The following RHBDD1 variants were observed in gnomAD, a reference collection of about 807,000 sequenced individuals.
RHBDD1 encodes the protein rhomboid domain containing 1.
In RHBDD1, 38 loss-of-function variants were observed where a neutral mutation model predicts 36.3. The ratio of observed to expected loss-of-function variants is 1.05; its 90% CI spans 0.81 to 1.37. RHBDD1 has a LOEUF of 1.37. Among genes scored for constraint, RHBDD1 ranks in the 40% most tolerant of loss-of-function variants. RHBDD1 has a pLI of 0.00. For missense variants in RHBDD1, 393 were observed against 377.6 expected (o/e 1.04, Z -0.34); for synonymous variants, 151 against 136.5 (o/e 1.11, Z -0.74).
chr2:226,837,568 T>C (rs1941112471), intron 1 of RHBDD1: 1 of 152,268 alleles, frequency 6.6e-6, no homozygotes, highest in Non-Finnish European at 1.5e-5. Flanking sequence ...AGACAGTCTC[T>C]TTCTGCCACC....
At chr2:226,971,489 T>C (rs1953489762) in intron 8 of RHBDD1, among the ~76,000 whole-genome samples, 1 of 152,232 alleles carries the variant, frequency 6.6e-6, no homozygotes, top group Non-Finnish European at 1.5e-5. Context: ...TCTTCTCTGT[T>C]ACAGCTAAGG....
chr2:226,867,549 T>C, intron 5 of RHBDD1: 1 of 982,660 alleles, frequency 1.0e-6, no homozygotes, highest in Middle Eastern at 5.2e-4. Context: ...TGCAGATTCC[T>C]CATTTTTTTT....
chr2:226,859,361 A>G lies in RHBDD1; in HGVS notation c.-90-5243A>G, dbSNP rs146973424. On this transcript the variant is annotated intron_variant, in intron 3 of 8. Coordinates refer to ENST00000392062, the MANE Select transcript of RHBDD1 (RefSeq NM_001167608.3). ...AAACAACTATTTGCATAGCATTTAC[A>G]TTGTATTAGATATTATAAGTTACCT... Among the ~76,000 whole-genome samples, 317 of 152,284 alleles carry G rather than the reference A, an allele frequency of 2.1e-3. 4 individuals are homozygous for G. The highest frequency in any genetic ancestry group is 7.3e-3 in the African/African-American group (304 of 41,548).
intron 8 of RHBDD1, among the ~76,000 whole-genome samples, chr2:226,960,059 GTA>G (rs1952073582): frequency 3.3e-5 from 5 of 152,164 alleles, no homozygotes; most frequent in Non-Finnish European, 7.4e-5. Flanking sequence ...TCCTGACCTT[GTA>G]ATCTGCCCAC....
intron 4 of RHBDD1, among the ~76,000 whole-genome samples, chr2:226,866,308 G>T (rs376341381): frequency 6.6e-6 from 1 of 152,160 alleles, no homozygotes. Flanking sequence ...TTGACCTTGT[G>T]ATTCACCCAC....
Position 226,994,075 on chromosome 2 carries a change from G to T in RHBDD1, c.857-1356G>T, listed in dbSNP as rs77954679. Among the ~76,000 whole-genome samples, 121 of 152,270 alleles carry T rather than the reference G, an allele frequency of 7.9e-4. 2 individuals are homozygous for T. The East Asian group carries it at 0.021, about 27-fold the overall frequency. On this transcript the variant is annotated intron_variant, in intron 8 of 8. Coordinates refer to ENST00000392062, the MANE Select transcript of RHBDD1 (RefSeq NM_001167608.3). ...GCCATGTGTGCTGGCTGCTGCTTTT[G>T]AGAGCTGGACTGCGGGCACCTTCCC... is the stretch of plus-strand genomic sequence containing the variant.
chr2:226,864,229 G>GGGGATAAAGAATCCTGGCC lies in RHBDD1; in HGVS notation c.-90-374_-90-356dup, dbSNP rs1944117158. 2.0e-5 allele frequency among the ~76,000 whole-genome samples: 3 copies of GGGGATAAAGAATCCTGGCC among 152,036 alleles called. No homozygotes were observed. In the South Asian group the frequency reaches 6.2e-4, roughly 32 times the overall value. ...CAAATATTTCTTTGAAAAAAATGGA[G>GGGGATAAAGAATCCTGGCC]GGGATAAAGAATCCTGGCCAGGATT... is the stretch of plus-strand genomic sequence containing the variant. On this transcript the variant is annotated intron_variant, in intron 3 of 8. Coordinates refer to ENST00000392062, the MANE Select transcript of RHBDD1 (RefSeq NM_001167608.3).
At chr2:226,831,499 A>G (rs557679048), upstream of RHBDD1, among the ~76,000 whole-genome samples, 13 of 152,334 alleles carry the variant, frequency 8.5e-5, no homozygotes, top group African/African-American at 3.1e-4. Flanking sequence ...AGATGCAGGC[A>G]GAGACTGAAG....
chr2:226,810,933 A>G, the RHBDD1 span: 1 of 152,064 alleles, frequency 6.6e-6, no homozygotes, highest in African/African-American at 2.4e-5. Flanking sequence ...ATGGCAGAGG[A>G]CTCATCCCAC....
chr2:226,897,148 C>T (rs1406551442), intron 5 of RHBDD1, among the ~76,000 whole-genome samples: 1 of 152,220 alleles, frequency 6.6e-6, no homozygotes, highest in African/African-American at 2.4e-5. Context: ...CAAGCTGCTA[C>T]ATATGTGCTT....
chr2:226,915,912 G>A (rs1209439679), intron 8 of RHBDD1, among the ~76,000 whole-genome samples: 2 of 152,174 alleles, frequency 1.3e-5, no homozygotes, highest in Non-Finnish European at 2.9e-5. Context: ...CAGCTGGGCT[G>A]GGCTTAGCTG....
chr2:226,970,924 A>C (rs533070804), intron 8 of RHBDD1, among the ~76,000 whole-genome samples: 1 of 152,304 alleles, frequency 6.6e-6, no homozygotes, highest in Admixed American at 6.5e-5. Context: ...GCCCCACATC[A>C]TTTCAAGTGT....
chr2:226,941,802 C>G (rs958195351), intron 8 of RHBDD1, among the ~76,000 whole-genome samples: 1 of 152,184 alleles, frequency 6.6e-6, no homozygotes, highest in Non-Finnish European at 1.5e-5. Flanking sequence ...ATAACACAGG[C>G]ACCTAGAGGA....
intron 5 of RHBDD1, among the ~76,000 whole-genome samples, chr2:226,900,326 T>C (rs939649393): frequency 6.6e-6 from 1 of 152,210 alleles, no homozygotes; most frequent in Admixed American, 6.5e-5. Flanking sequence ...TTGGTTACCT[T>C]GCAGAATCAC....
chr2:226,923,449 C>A (rs1559276689), intron 8 of RHBDD1, among the ~76,000 whole-genome samples: 2 of 152,000 alleles, frequency 1.3e-5, no homozygotes, highest in Non-Finnish European at 2.9e-5. Flanking sequence ...AGTATCCTTT[C>A]TTTTTCCTTG....
At chr2:226,811,114 C>G in the RHBDD1 span, 2 of 152,112 alleles carry the variant, frequency 1.3e-5, no homozygotes, top group African/African-American at 2.4e-5. Context: ...ATTGCCAAAA[C>G]AAAAGCCATT....
the RHBDD1 span, among the ~76,000 whole-genome samples, chr2:226,816,375 C>CAAAAAAAAAAAAAAAAAAAAAA: frequency 3.1e-5 from 2 of 64,940 alleles, no homozygotes; most frequent in African/African-American, 4.7e-5. Flanking sequence ...GGAATGGTGG[C>CAAAAAAAAAAAAAAAAAAAAAA]AAAAAAAAAA....
chr2:226,892,612 A>G (rs746859936), intron 5 of RHBDD1, among the ~76,000 whole-genome samples: 2 of 152,228 alleles, frequency 1.3e-5, no homozygotes, highest in African/African-American at 2.4e-5. Flanking sequence ...TTGCAGTAGA[A>G]TAGAATAAGT....
chr2:226,949,992 G>T (rs1316126029), intron 8 of RHBDD1, among the ~76,000 whole-genome samples: 1 of 152,172 alleles, frequency 6.6e-6, no homozygotes, highest in Non-Finnish European at 1.5e-5. Flanking sequence ...GTTTTGAAAT[G>T]CATATCTATT....
Sources: gnomAD v4.1 joint callset for allele counts (sites outside exome capture counted in the v4.1 genomes callset) on GRCh38, gnomAD v4.1.1 for gene constraint, MANE v1.5 for transcripts, NCBI Gene and HGNC (gene_info 2026-07-23, HGNC 2026-07-21) for gene names.